Variants in DYM observed in about 807,000 individuals in gnomAD.
DYM encodes the protein dyggve-Melchior-Clausen syndrome protein.
A neutral mutation model predicts 93.1 loss-of-function variants in DYM; 78 were observed. The observed-to-expected ratio is 0.84, with a 90% CI of 0.70 to 1.01. The LOEUF (loss-of-function observed/expected upper bound fraction) is 1.01, where lower values mean the gene tolerates loss of function less well. Ranked by LOEUF, DYM falls within the 50% of genes least tolerant of loss-of-function variation. The probability of loss-of-function intolerance (pLI) is 0.00; values close to 1 mark genes in which losing one functional copy is unlikely to be tolerated. For synonymous variants in DYM, 321 were observed against 319.7 expected (o/e 1.00, Z -0.04); for missense variants, 789 against 845.0 (o/e 0.93, Z 0.82).
intron 1 of DYM, among the ~76,000 whole-genome samples, chr18:49,458,333 T>TAA (rs200490518): frequency 8.3e-5 from 12 of 144,426 alleles, no homozygotes; most frequent in East Asian, 2.0e-4. Flanking sequence ...GCCATATTAA[T>TAA]AAAAAAAAAA....
chr18:49,388,691 A>G (rs1568360943), intron 3 of DYM, among the ~76,000 whole-genome samples: 1 of 151,774 alleles, frequency 6.6e-6, no homozygotes, highest in African/African-American at 2.4e-5. Context: ...AAATCAAAAG[A>G]TAAAAAGAAA....
intron 1 of DYM, among the ~76,000 whole-genome samples, chr18:49,434,798 T>A (rs1301948266): frequency 1.3e-5 from 2 of 151,736 alleles, no homozygotes; most frequent in Admixed American, 6.6e-5. Context: ...ATACCCTGTC[T>A]CTAAAAAAAA....
intron 1 of DYM, among the ~76,000 whole-genome samples, chr18:49,445,981 C>CT (rs1287643199): frequency 4.6e-5 from 7 of 152,026 alleles, no homozygotes; most frequent in African/African-American, 1.7e-4. Context: ...ACTGGAAGTG[C>CT]TTTTAGAAAT....
At chr18:49,421,190 G>A (rs1240200041) in intron 2 of DYM, among the ~76,000 whole-genome samples, 1 of 152,216 alleles carries the variant, frequency 6.6e-6, no homozygotes, top group Non-Finnish European at 1.5e-5. Context: ...AGAATGGACA[G>A]ACTGCCTCCT....
At chr18:49,289,905 G>C (rs573272882) in intron 8 of DYM, among the ~76,000 whole-genome samples, 3 of 150,308 alleles carry the variant, frequency 2.0e-5, no homozygotes, top group African/African-American at 7.3e-5. Context: ...CATGAGACTA[G>C]AACATTTTTA....
intron 16 of DYM, among the ~76,000 whole-genome samples, chr18:49,107,030 C>T (rs942525547): frequency 3.3e-5 from 5 of 152,230 alleles, no homozygotes; most frequent in African/African-American, 1.2e-4. Context: ...CTCCCCGTCA[C>T]TTTCAGGTAC....
In DYM at chr18:49,135,815, G is replaced by A. The variant is rs558507700; in HGVS notation, c.1729-16889C>T. 2.6e-5 allele frequency among the ~76,000 whole-genome samples: 4 copies of A among 152,232 alleles called. No homozygotes were observed. In the South Asian group the frequency reaches 8.3e-4, roughly 32 times the overall value. ...AAATGCTATTGTTATACTAAACTCTGGTTAATCTCCTGAGAAAATATTATG... is the reference window on the plus strand; with the variant it reads ...AAATGCTATTGTTATACTAAACTCTAGTTAATCTCCTGAGAAAATATTATG... On this transcript the variant is annotated intron_variant, in intron 15 of 17. Transcript: ENST00000675505.
At chr18:49,311,096 C>T (rs543504286) in intron 8 of DYM, among the ~76,000 whole-genome samples, 1 of 152,276 alleles carries the variant, frequency 6.6e-6, no homozygotes, top group South Asian at 2.1e-4. Flanking sequence ...TCAAAAGTCA[C>T]ATGTGGCTAG....
chr18:49,147,375 A>C (rs1459228874), intron 15 of DYM, among the ~76,000 whole-genome samples: 2 of 152,086 alleles, frequency 1.3e-5, no homozygotes, highest in South Asian at 2.1e-4. Flanking sequence ...GAGCTTCTGC[A>C]CAGCAAAAGA....
intron 12 of DYM, 122 bp downstream of exon 12, chr18:49,258,258 T>C: frequency 1.4e-6 from 1 of 717,508 alleles, no homozygotes; most frequent in Admixed American, 2.0e-5. Context: ...GACTATACAG[T>C]GACCGGTATT....
chr18:49,152,482 CA>C (rs918468261), intron 15 of DYM, among the ~76,000 whole-genome samples: 1 of 152,084 alleles, frequency 6.6e-6, no homozygotes, highest in African/African-American at 2.4e-5. Context: ...GTGGTAGGGT[CA>C]GGGGGGATGA....
intron 8 of DYM, among the ~76,000 whole-genome samples, chr18:49,303,110 T>C (rs548789061): frequency 1.3e-5 from 2 of 152,250 alleles, no homozygotes; most frequent in South Asian, 4.1e-4. Context: ...TCCAAAAAGA[T>C]GCAATTCTGT....
At chr18:49,432,329 C>CAAAAAAAAAAAAAAAAAAAAAA (rs11429840) in intron 1 of DYM, among the ~76,000 whole-genome samples, 3 of 75,810 alleles carry the variant, frequency 4.0e-5, no homozygotes, top group Non-Finnish European at 8.3e-5. Flanking sequence ...AAGACTGTCT[C>CAAAAAAAAAAAAAAAAAAAAAA]AAAAAAAAAA....
At chr18:49,049,233 T>C (rs2072059844) in intron 17 of DYM, among the ~76,000 whole-genome samples, 1 of 152,212 alleles carries the variant, frequency 6.6e-6, no homozygotes, top group Non-Finnish European at 1.5e-5. Flanking sequence ...AGAATTTACA[T>C]ATAGTTACTC....
intron 8 of DYM, among the ~76,000 whole-genome samples, chr18:49,313,436 C>T (rs139214480): frequency 1.7e-5 from 2 of 116,500 alleles, no homozygotes; most frequent in African/African-American, 6.6e-5. Context: ...GAACTCCAGT[C>T]TCGGCAACAG....
Position 49,457,012 on chromosome 18 carries a change from A to G in DYM, c.-54+3386T>C, listed in dbSNP as rs190101737. ...TGGAGGACTCCCAGAAATCCTTTCAATCTTTAAGATTAGTCCTCTCTCTGT... is the reference window on the plus strand; with the variant it reads ...TGGAGGACTCCCAGAAATCCTTTCAGTCTTTAAGATTAGTCCTCTCTCTGT... On this transcript the variant is annotated intron_variant, in intron 1 of 17. Coordinates refer to ENST00000675505, the MANE Select transcript of DYM (RefSeq NM_001353214.3). Among the ~76,000 whole-genome samples the G allele has an allele frequency of 2.0e-4, 30 of 152,336 alleles. No homozygotes were observed. The East Asian group carries it at 2.7e-3, about 14-fold the overall frequency.
chr18:49,406,725 C>G (rs185608687), intron 2 of DYM, among the ~76,000 whole-genome samples: 3 of 152,282 alleles, frequency 2.0e-5, no homozygotes, highest in Non-Finnish European at 4.4e-5. Context: ...TAAACTGGCT[C>G]TCTCACACAT....
At chr18:49,320,042 G>A (rs953327029) in intron 8 of DYM, among the ~76,000 whole-genome samples, 9 of 152,144 alleles carry the variant, frequency 5.9e-5, no homozygotes, top group African/African-American at 9.7e-5. Flanking sequence ...TCATCATTCC[G>A]TTTTTAAAGA....
At chr18:49,424,439 TTGTAC>T (rs1355882280) in intron 2 of DYM, among the ~76,000 whole-genome samples, 1 of 152,012 alleles carries the variant, frequency 6.6e-6, no homozygotes, top group Non-Finnish European at 1.5e-5. Flanking sequence ...TCCACCAATA[TTGTAC>T]TGACTGGCAA....
Sources: allele counts gnomAD v4.1 joint callset (sites outside exome capture counted in the v4.1 genomes callset), GRCh38; gene constraint gnomAD v4.1.1; transcripts MANE v1.5; gene names NCBI Gene and HGNC (gene_info 2026-07-23, HGNC 2026-07-21).